Variants in TIAM2 observed in about 807,000 individuals in gnomAD.
The protein encoded by TIAM2 is rho guanine nucleotide exchange factor TIAM2.
A neutral mutation model predicts 152.9 loss-of-function variants in TIAM2; 80 were observed. That is an observed-to-expected ratio of 0.52 (90% CI 0.44 to 0.63). The LOEUF (loss-of-function observed/expected upper bound fraction) is 0.63. Among genes scored for constraint, TIAM2 ranks in the 30% least tolerant of loss-of-function variants. The pLI is 0.00. For missense variants in TIAM2, 1,965 were observed against 2,120.1 expected (o/e 0.93, Z 1.44); for synonymous variants, 804 against 838.0 (o/e 0.96, Z 0.70).
At chr6:155,051,731 G>A (rs779326374) in intron 1 of TIAM2, among the ~76,000 whole-genome samples, 2 of 151,878 alleles carry the variant, frequency 1.3e-5, no homozygotes, top group East Asian at 1.9e-4. Flanking sequence ...TGCAACTTCC[G>A]CCTCCCAGGT....
chr6:155,164,474 C>G lies in TIAM2; in HGVS notation c.2088C>G (p.Cys696Trp). 1 of 1,614,082 alleles carries G rather than the reference C, an allele frequency of 6.2e-7. No homozygotes were observed. Among genetic ancestry groups the G allele is most frequent in the African/African-American group, 1.3e-5 (1 of 75,028 alleles). Residue 696 changes from cysteine to tryptophan, a missense_variant, in exon 8 of 27, where the codon TGC becomes TGG. By Grantham distance (215) the Cys-to-Trp change is radical (BLOSUM62 -2). Transcript: ENST00000682666. Reference sequence around the variant, plus strand: ...ACATGGATCTGTTCAGGATGCGCTGCTATCTGGCCAGCCTACAAGGTGGGG... The same window carrying G: ...ACATGGATCTGTTCAGGATGCGCTGGTATCTGGCCAGCCTACAAGGTGGGG... ...KFHMDLFRMRCYLASLQGGEL... is the reference protein window; with the variant it reads ...KFHMDLFRMRWYLASLQGGEL...
rs1226135290 is a variant in TIAM2 at position 155,156,744 on chromosome 6, A to T, written c.2029-7671A>T. Among the ~76,000 whole-genome samples the T allele has an allele frequency of 6.6e-6, 1 of 152,146 alleles. No individual in the cohort carries two copies. The highest frequency in any genetic ancestry group is 1.5e-5 in the Non-Finnish European group (1 of 68,014). On this transcript the variant is annotated intron_variant, in intron 7 of 26. Coordinates refer to ENST00000682666, the MANE Select transcript of TIAM2 (RefSeq NM_012454.4). The surrounding 1 kb of genome is among the most constrained non-coding windows in gnomAD (Gnocchi z 4.4). ...ATAAAGTCCCTGATAACCTCTCCCC[A>T]CCTTGACCTTTATCTGCAACTCCCT...
chr6:155,035,563 A>G (rs1364980274), intron 1 of TIAM2, among the ~76,000 whole-genome samples: 1 of 152,146 alleles, frequency 6.6e-6, no homozygotes, highest in African/African-American at 2.4e-5. Flanking sequence ...GAGTTTTGCA[A>G]ACACCATCTT....
chr6:155,105,796 G>T (rs560403882), intron 2 of TIAM2, among the ~76,000 whole-genome samples: 1 of 151,772 alleles, frequency 6.6e-6, no homozygotes, highest in South Asian at 2.1e-4. Context: ...AAAATCTCTT[G>T]CCACATGTTT....
At chr6:155,039,689 AC>A in intron 1 of TIAM2, among the ~76,000 whole-genome samples, 1 of 152,180 alleles carries the variant, frequency 6.6e-6, no homozygotes. Context: ...CTTTCTTCTG[AC>A]TGCATTGTTG....
intron 1 of TIAM2, among the ~76,000 whole-genome samples, chr6:155,041,689 T>C (rs12662370): frequency 0.25 from 37,773 of 152,094 alleles, 4,720 homozygotes; most frequent in Middle Eastern, 0.29. Flanking sequence ...TGTGAATACT[T>C]GGTAAACACT....
At position 155,043,494 on chromosome 6, in the gene TIAM2, C is replaced by T. The variant is rs146696221; in HGVS notation, c.-208-46795C>T. On this transcript the variant is annotated intron_variant, in intron 1 of 26. Transcript: ENST00000682666. Reference sequence around the variant, plus strand: ...CAGAAACAAAACAAACTTAGCCAGGCATGGTGGTGCGTACCTGTAATGCTG... The same window carrying T: ...CAGAAACAAAACAAACTTAGCCAGGTATGGTGGTGCGTACCTGTAATGCTG... 2.3e-4 allele frequency among the ~76,000 whole-genome samples: 35 copies of T among 151,934 alleles called. 1 individual carries two copies. The East Asian group carries it at 5.4e-3, about 24-fold the overall frequency.
At chr6:155,026,900 G>T (rs766854813) in intron 1 of TIAM2, among the ~76,000 whole-genome samples, 2 of 152,180 alleles carry the variant, frequency 1.3e-5, no homozygotes, top group Non-Finnish European at 2.9e-5. Flanking sequence ...TGGTTGGGAA[G>T]AGAAAAACTG....
At chr6:155,250,019 C>A in intron 21 of TIAM2, 50 bp downstream of exon 21, 1 of 1,406,700 alleles carries the variant, frequency 7.1e-7, no homozygotes, top group Non-Finnish European at 9.8e-7. Flanking sequence ...GGTGTGGGGT[C>A]TGTAGGTGAC....
intron 1 of TIAM2, among the ~76,000 whole-genome samples, chr6:155,010,416 T>C (rs187047055): frequency 9.2e-5 from 14 of 152,350 alleles, no homozygotes; most frequent in African/African-American, 3.4e-4. Context: ...GCAGCTGGTA[T>C]GTGTAATTGA....
intron 1 of TIAM2, among the ~76,000 whole-genome samples, chr6:155,007,223 T>C (rs545142584): frequency 2.0e-5 from 3 of 152,238 alleles, no homozygotes; most frequent in Admixed American, 6.5e-5. Context: ...TGATGCCCCT[T>C]TGCATAGGCT....
chr6:155,194,419 C>T (rs762790327), intron 14 of TIAM2, among the ~76,000 whole-genome samples: 1 of 152,180 alleles, frequency 6.6e-6, no homozygotes, highest in South Asian at 2.1e-4. Flanking sequence ...GCCCCGGTGC[C>T]AGCCAGGGAA....
At chr6:155,183,092 C>T (rs1780948441) in intron 13 of TIAM2, 145 bp from the exon 14 acceptor site, 7 of 1,034,210 alleles carry the variant, frequency 6.8e-6, no homozygotes, top group Middle Eastern at 3.2e-4. Flanking sequence ...TGCCACTGTG[C>T]CTGGCTGGCA....
At chr6:155,012,631 C>A (rs1778508438) in intron 1 of TIAM2, among the ~76,000 whole-genome samples, 1 of 152,008 alleles carries the variant, frequency 6.6e-6, no homozygotes, top group Admixed American at 6.6e-5. Flanking sequence ...GCTCACTGCA[C>A]CCTCTACCTT....
chr6:155,211,386 G>A, intron 15 of TIAM2, 79 bp downstream of exon 15: 1 of 1,160,608 alleles, frequency 8.6e-7, no homozygotes, highest in East Asian at 2.5e-5. Flanking sequence ...GGTGGGGAAA[G>A]GAGATGGAGT....
intron 1 of TIAM2, among the ~76,000 whole-genome samples, chr6:155,015,715 T>A (rs1778563125): frequency 6.6e-6 from 1 of 151,942 alleles, no homozygotes; most frequent in African/African-American, 2.4e-5. Flanking sequence ...AGCAGATGGA[T>A]CACTTGAGGT....
Position 155,254,497 on chromosome 6 carries a change from T to C in TIAM2, c.4392T>C (p.Cys1464=), listed in dbSNP as rs911566445. The C allele has an allele frequency of 3.7e-6, 6 of 1,614,184 alleles. No homozygotes were observed. In the Admixed American group the frequency reaches 8.3e-5, roughly 22 times the overall value. The change falls in exon 26 of 27, where the codon TGT becomes TGC. Residue 1464 remains cysteine (C), a synonymous_variant. Coordinates refer to ENST00000682666, the MANE Select transcript of TIAM2 (RefSeq NM_012454.4). The part of the protein sequence containing the change: ...LRENFRRHIK[C]ELPLEKTCKD... Reference sequence around the variant, plus strand: ...AGAACTTCAGGCGTCACATAAAGTGTGAATTACCACTGGAGAAAACGTGTA... The same window carrying C: ...AGAACTTCAGGCGTCACATAAAGTGCGAATTACCACTGGAGAAAACGTGTA...
chr6:155,225,875 CA>C (rs1782223175), intron 15 of TIAM2, among the ~76,000 whole-genome samples: 2 of 152,042 alleles, frequency 1.3e-5, no homozygotes, highest in African/African-American at 2.4e-5. Context: ...TCAAATCCAG[CA>C]AAAAACACTG....
chr6:155,037,463 A>C (rs1175306057), intron 1 of TIAM2, among the ~76,000 whole-genome samples: 1 of 152,040 alleles, frequency 6.6e-6, no homozygotes, highest in African/African-American at 2.4e-5. Flanking sequence ...AACTAAATGC[A>C]CTTTTCCCTT....
Sources: allele counts gnomAD v4.1 joint callset (sites outside exome capture counted in the v4.1 genomes callset), GRCh38; gene constraint gnomAD v4.1.1; non-coding constraint Gnocchi (gnomAD v3.1); transcripts MANE v1.5; gene names NCBI Gene and HGNC (gene_info 2026-07-23, HGNC 2026-07-21).